Variants in DENND2A observed in about 807,000 individuals in gnomAD.
DENND2A encodes the protein DENN domain-containing protein 2A.
DENND2A carries 53 observed loss-of-function variants against 105.3 expected under a neutral mutation model. The ratio of observed to expected loss-of-function variants is 0.50; its 90% CI spans 0.40 to 0.63. DENND2A has a LOEUF of 0.63. Among genes scored for constraint, DENND2A ranks in the 30% least tolerant of loss-of-function variants. The pLI is 0.00. For synonymous variants in DENND2A, 522 were observed against 508.4 expected, an observed-to-expected ratio of 1.03 and a Z score of -0.36; for missense variants, 1,138 against 1,279.6, an observed-to-expected ratio of 0.89 and a Z score of 1.69.
In DENND2A at chr7:140,546,367, G is replaced by A. The variant is rs768889479; in HGVS notation, c.2178+432C>T. On this transcript the variant is annotated intron_variant, in intron 13 of 19. Coordinates refer to ENST00000496613, the MANE Select transcript of DENND2A (RefSeq NM_015689.5). The stretch of plus-strand genomic sequence containing the variant: ...TGGGAGGCAGAGGTTGCAGTGAGCC[G>A]AGATCACACCACTGCACTCCAGCCT... 4.6e-5 allele frequency among the ~76,000 whole-genome samples: 7 copies of A among 151,420 alleles called. No homozygotes were observed. The East Asian group carries it at 7.8e-4, about 17-fold the overall frequency.
In DENND2A at chr7:140,627,519, T is replaced by TTTTA. The variant is rs1163692820; in HGVS notation, c.-248+12981_-248+12984dup. Reference sequence around the variant, plus strand: ...GCACCCGGCCTATTTTTATTTTTAATTTTATTTATTTATTTTTTTTTGAGA... The same window carrying TTTTA: ...GCACCCGGCCTATTTTTATTTTTAATTTTATTTATTTATTTATTTTTTTTTGAGA... On this transcript the variant is annotated intron_variant, in intron 1 of 19. Transcript: ENST00000496613. Among the ~76,000 whole-genome samples the TTTTA allele has an allele frequency of 8.2e-4, 114 of 138,388 alleles. 1 individual carries two copies. The highest frequency in any genetic ancestry group is 2.9e-3 in the African/African-American group (110 of 37,772). The allele number at this position is 138,388 out of a possible 152,430, so 90.8% of individuals were successfully genotyped here. A position where few individuals can be genotyped will look rare whatever the true frequency, so the allele number is the denominator to read the frequency against.
Position 140,587,692 on chromosome 7 carries a change from G to T in DENND2A, c.1084C>A (p.Arg362Ser). The T allele has an allele frequency of 1.1e-5, 18 of 1,613,946 alleles. No homozygotes were observed. The highest frequency in any genetic ancestry group is 1.3e-5 in the African/African-American group (1 of 75,014). Reference protein sequence around the residue: ...WYAQTKLGLTRTLSEENVYED... With the variant: ...WYAQTKLGLTSTLSEENVYED... ...TAGACGTTCTCCTCCGATAAAGTGC[G>T]TGTCAGCCCCAGCTTAGTCTGCGCG... The change falls in exon 4 of 20, where the codon CGC becomes AGC. Residue 362 changes from arginine to serine, a missense_variant. Arg to Ser is a moderately radical substitution (Grantham distance 110). Coordinates refer to ENST00000496613, the MANE Select transcript of DENND2A (RefSeq NM_015689.5).
chr7:140,526,980 C>T (rs888576079), intron 15 of DENND2A, among the ~76,000 whole-genome samples: 3 of 152,116 alleles, frequency 2.0e-5, no homozygotes, highest in East Asian at 1.9e-4. Flanking sequence ...TTGCTAGCTC[C>T]TCAATGTGGG....
rs1796097633 is a variant in DENND2A, at chr7:140,527,407, T to C, written c.2416A>G (p.Met806Val). The change falls in exon 15 of 20, where the codon ATG becomes GTG. Residue 806 changes from methionine to valine, a missense_variant. Met to Val is a conservative substitution (Grantham distance 21). Coordinates refer to ENST00000496613, the MANE Select transcript of DENND2A (RefSeq NM_015689.5). This position sits in a 1 kb window ranked among gnomAD's most constrained non-coding sequence, Gnocchi z 4.9. Reference protein sequence around the residue: ...HTYIPVLPPAMVDIVCSPTPF... With the variant: ...HTYIPVLPPAVVDIVCSPTPF... ...GTCGGCGAGCACACGATGTCGACCA[T>C]GGCGGGTGGCAGCACCGGGATGTAG... 6.2e-7 allele frequency: 1 copy of C among 1,601,314 alleles called. No homozygotes were observed. The highest frequency in any genetic ancestry group is 8.5e-7 in the Non-Finnish European group (1 of 1,175,580).
intron 12 of DENND2A, among the ~76,000 whole-genome samples, chr7:140,549,545 G>T (rs1797033779): frequency 6.6e-6 from 1 of 152,192 alleles, no homozygotes; most frequent in Admixed American, 6.5e-5. Flanking sequence ...AAGCCGCCAT[G>T]CCCGGCCCTC....
intron 1 of DENND2A, among the ~76,000 whole-genome samples, chr7:140,628,178 C>T (rs2130733022): frequency 6.6e-6 from 1 of 152,322 alleles, no homozygotes; most frequent in Middle Eastern, 3.4e-3. Context: ...CATTTGTTTG[C>T]AAGTGTGGGT....
chr7:140,627,674 G>C (rs1206976699), intron 1 of DENND2A, among the ~76,000 whole-genome samples: 1 of 151,588 alleles, frequency 6.6e-6, no homozygotes, highest in Non-Finnish European at 1.5e-5. Context: ...GGCGTGCACT[G>C]CAACAACTGG....
intron 14 of DENND2A, chr7:140,544,171 C>CA (rs1199199485): frequency 8.0e-6 from 2 of 250,934 alleles, no homozygotes; most frequent in Middle Eastern, 1.5e-3. Context: ...GGATTACAGG[C>CA]ATGAGCCACC....
intron 5 of DENND2A, among the ~76,000 whole-genome samples, chr7:140,581,565 A>G (rs1798542549): frequency 6.6e-6 from 1 of 152,204 alleles, no homozygotes; most frequent in Non-Finnish European, 1.5e-5. Flanking sequence ...GATGCAGCCC[A>G]GATGCGGTAG....
chr7:140,522,400 G>A (rs1181062887), intron 17 of DENND2A, among the ~76,000 whole-genome samples: 2 of 152,062 alleles, frequency 1.3e-5, no homozygotes, highest in African/African-American at 4.8e-5. Flanking sequence ...TGCAACCTCT[G>A]CCTCCTGGAT....
At chr7:140,576,613 A>G (rs1427164284) in intron 5 of DENND2A, among the ~76,000 whole-genome samples, 1 of 152,244 alleles carries the variant, frequency 6.6e-6, no homozygotes, top group Non-Finnish European at 1.5e-5. Context: ...TCCAAATAGT[A>G]AGTAGCAATA....
At chr7:140,617,086 G>A (rs145484125) in intron 1 of DENND2A, among the ~76,000 whole-genome samples, 41 of 152,172 alleles carry the variant, frequency 2.7e-4, no homozygotes, top group Non-Finnish European at 4.4e-4. Context: ...TCGAACTCCC[G>A]ACCTCAGGTG....
intron 7 of DENND2A, 87 bp from the exon 8 acceptor site, chr7:140,568,900 G>T: frequency 1.5e-6 from 2 of 1,348,182 alleles, no homozygotes; most frequent in Non-Finnish European, 2.1e-6. Context: ...CAGATCAAAT[G>T]TTCTAATTCA....
intron 1 of DENND2A, among the ~76,000 whole-genome samples, chr7:140,636,019 G>C (rs969054495): frequency 2.0e-5 from 3 of 152,098 alleles, no homozygotes; most frequent in Non-Finnish European, 4.4e-5. Context: ...TCATTAAAGG[G>C]GCCAGCGGGG....
chr7:140,610,585 C>T (rs548972373), intron 1 of DENND2A, among the ~76,000 whole-genome samples: 27 of 152,192 alleles, frequency 1.8e-4, no homozygotes, highest in Non-Finnish European at 3.7e-4. Context: ...TCTGAACACA[C>T]TGTTTTTTGT....
chr7:140,569,676 C>G lies in DENND2A; in HGVS notation c.1509G>C (p.Leu503=). The G allele has an allele frequency of 6.2e-7, 1 of 1,613,676 alleles. No homozygotes were observed. Among genetic ancestry groups the G allele is most frequent in the Non-Finnish European group, 8.5e-7 (1 of 1,179,554 alleles). The change falls in exon 7 of 20, where the codon CTG becomes CTC. Residue 503 remains leucine (L), a synonymous_variant. Transcript: ENST00000496613. The part of the protein sequence containing the change: ...VRRGKKRVKR[L]SQSMESNSGK... ...CTGAGTTGCTCTCCATTGACTGGGACAGCCTCTTCACCCGTTTCTTTCCTC... is the reference window on the plus strand; with the variant it reads ...CTGAGTTGCTCTCCATTGACTGGGAGAGCCTCTTCACCCGTTTCTTTCCTC...
At chr7:140,610,340 T>A (rs1170451272) in intron 1 of DENND2A, among the ~76,000 whole-genome samples, 1 of 150,246 alleles carries the variant, frequency 6.7e-6, no homozygotes, top group Non-Finnish European at 1.5e-5. Flanking sequence ...CAATTTTTAA[T>A]CCTGTTGGGT....
intron 17 of DENND2A, 120 bp from the exon 18 acceptor site, chr7:140,522,220 G>A (rs539665559): frequency 3.9e-6 from 5 of 1,290,294 alleles, no homozygotes; most frequent in East Asian, 5.0e-5. Flanking sequence ...TGGAAACTGC[G>A]ATTATCCAGG....
chr7:140,564,976 G>A (rs2130587001), intron 9 of DENND2A, among the ~76,000 whole-genome samples: 1 of 152,314 alleles, frequency 6.6e-6, no homozygotes, highest in Non-Finnish European at 1.5e-5. Context: ...GGTGTCAGGA[G>A]CTCATTCCTT....
Sources: allele counts gnomAD v4.1 joint callset (sites outside exome capture counted in the v4.1 genomes callset), GRCh38; gene constraint gnomAD v4.1.1; non-coding constraint Gnocchi (gnomAD v3.1); transcripts MANE v1.5; gene names NCBI Gene and HGNC (gene_info 2026-07-23, HGNC 2026-07-21).